CNTN4: variants seen among roughly 807,000 people sequenced by gnomAD.
CNTN4 encodes contactin-4.
Under a neutral mutation model 122.5 loss-of-function variants are expected in CNTN4, and 77 were observed. The observed-to-expected ratio is 0.63, with a 90% CI of 0.52 to 0.76. CNTN4 has a LOEUF of 0.76. CNTN4 is among the 30% of genes least tolerant of loss of function. The pLI is 0.00. For missense variants in CNTN4, 1,256 were observed against 1,259.1 expected, an observed-to-expected ratio of 1.00 and a Z score of 0.04; for synonymous variants, 512 against 447.0, an observed-to-expected ratio of 1.15 and a Z score of -1.83.
intron 3 of CNTN4, among the ~76,000 whole-genome samples, chr3:2,435,984 G>T (rs1037920791): frequency 6.6e-6 from 1 of 152,172 alleles, no homozygotes; most frequent in African/African-American, 2.4e-5. Context: ...TCAAAAAACT[G>T]TTTATATCTC....
chr3:2,668,578 C>G (rs1314961840), intron 4 of CNTN4, among the ~76,000 whole-genome samples: 1 of 152,120 alleles, frequency 6.6e-6, no homozygotes, highest in South Asian at 2.1e-4. Context: ...ATTGAATACC[C>G]TTTATTTCCT....
intron 10 of CNTN4, among the ~76,000 whole-genome samples, chr3:2,887,860 G>A (rs1407187965): frequency 1.3e-5 from 2 of 152,168 alleles, no homozygotes. Context: ...TGGAAACCCT[G>A]TTAGGATACT....
At chr3:2,644,644 GATT>G (rs1381002216) in intron 4 of CNTN4, among the ~76,000 whole-genome samples, 1 of 150,696 alleles carries the variant, frequency 6.6e-6, no homozygotes, top group African/African-American at 2.4e-5. Flanking sequence ...TGAGTCCATG[GATT>G]AGACTCACCA....
chr3:2,529,178 T>A (rs1020732692), intron 3 of CNTN4, among the ~76,000 whole-genome samples: 3 of 152,110 alleles, frequency 2.0e-5, no homozygotes, highest in Non-Finnish European at 4.4e-5. Context: ...TTTCTTAGCT[T>A]CTACACAGGA....
Position 2,522,146 on chromosome 3 carries a change from AGTTTGTGTGTGTGTGTGTGTGTGT to A in CNTN4, c.-88-49267_-88-49244del, listed in dbSNP as rs1192254694. 1.0e-4 allele frequency among the ~76,000 whole-genome samples: 14 copies of A among 134,554 alleles called. No homozygotes were observed. The South Asian group carries it at 3.0e-3, about 28-fold the overall frequency. 88.3% of individuals were successfully genotyped at this position (134,554 alleles called of 152,430 possible). The stretch of plus-strand genomic sequence containing the variant: ...TTTATGGCATGTGGCCTGCCTAAGC[AGTTTGTGTGTGTGTGTGTGTGTGT>A]GTGTGTGTGTGTGTGTGTGTGAATA... On this transcript the variant is annotated intron_variant, in intron 3 of 24. Transcript: ENST00000418658.
At chr3:2,926,479 A>T (rs2094474489) in intron 13 of CNTN4, among the ~76,000 whole-genome samples, 1 of 152,158 alleles carries the variant, frequency 6.6e-6, no homozygotes, top group Non-Finnish European at 1.5e-5. Context: ...CTTGGCTGTC[A>T]CCCCTGTAAA....
At chr3:2,969,933 GTACGTAGATATA>G (rs1692726899) in intron 13 of CNTN4, among the ~76,000 whole-genome samples, 1 of 152,120 alleles carries the variant, frequency 6.6e-6, no homozygotes, top group Non-Finnish European at 1.5e-5. Context: ...TAGGCATTGA[GTACGTAGATATA>G]TACACCCACA....
chr3:2,944,948 C>A (rs2094659203), intron 13 of CNTN4, among the ~76,000 whole-genome samples: 1 of 152,146 alleles, frequency 6.6e-6, no homozygotes, highest in African/African-American at 2.4e-5. Context: ...TCAGAATGGT[C>A]TTACCTTGAG....
At chr3:2,919,377 ACCAGATCGTTGCTTTTT>A (rs2094404653) in intron 12 of CNTN4, among the ~76,000 whole-genome samples, 1 of 145,692 alleles carries the variant, frequency 6.9e-6, no homozygotes. Context: ...AAAAAAAAAA[ACCAGATCGTTGCTTTTT>A]AAAAATTGAC....
intron 2 of CNTN4, among the ~76,000 whole-genome samples, chr3:2,287,626 GAGAAGGAGA>G (rs1161179601): frequency 0.02 from 959 of 47,956 alleles, 7 homozygotes; most frequent in Non-Finnish European, 0.035. Context: ...GAAGGAGAAG[GAGAAGGAGA>G]AGAAGAAGAA....
At chr3:2,860,374 C>T (rs1250901822) in intron 7 of CNTN4, among the ~76,000 whole-genome samples, 1 of 152,144 alleles carries the variant, frequency 6.6e-6, no homozygotes, top group Non-Finnish European at 1.5e-5. Context: ...AGATATCTGT[C>T]ATCCCTGCTC....
intron 4 of CNTN4, among the ~76,000 whole-genome samples, chr3:2,705,934 TATAA>T (rs920192375): frequency 6.3e-5 from 8 of 127,382 alleles, no homozygotes; most frequent in African/African-American, 8.9e-5. Flanking sequence ...ATATATAATT[TATAA>T]ATAAATATAT....
intron 14 of CNTN4, among the ~76,000 whole-genome samples, chr3:3,009,578 C>T (rs1331040749): frequency 3.0e-4 from 30 of 99,878 alleles, no homozygotes; most frequent in South Asian, 7.7e-4. Context: ...GGACTACAGG[C>T]GCCCGCCACC....
rs567483622 is a variant in CNTN4 at position 2,300,821 on chromosome 3, G to A, written c.-144-38357G>A. Among the ~76,000 whole-genome samples the A allele has an allele frequency of 9.6e-4, 145 of 151,756 alleles. 1 individual carries two copies. Among genetic ancestry groups the A allele is most frequent in the Non-Finnish European group, 1.8e-3 (123 of 67,906 alleles). ...ACAGACCTTGTGATCCACCCACCTCGGCCTCCCAAAGTGCTGGGATTACAG... is the reference window on the plus strand; with the variant it reads ...ACAGACCTTGTGATCCACCCACCTCAGCCTCCCAAAGTGCTGGGATTACAG... On this transcript the variant is annotated intron_variant, in intron 2 of 24. Coordinates refer to ENST00000418658, the MANE Select transcript of CNTN4 (RefSeq NM_175607.3).
chr3:2,967,762 T>A (rs1253719363), intron 13 of CNTN4, among the ~76,000 whole-genome samples: 1 of 152,140 alleles, frequency 6.6e-6, no homozygotes, highest in African/African-American at 2.4e-5. Flanking sequence ...TAGAAACTGG[T>A]GTGTATATGA....
At chr3:2,840,334 ATCTTT>A (rs1218256731) in intron 7 of CNTN4, among the ~76,000 whole-genome samples, 1 of 151,992 alleles carries the variant, frequency 6.6e-6, no homozygotes, top group African/African-American at 2.4e-5. Flanking sequence ...ATAAACTCAG[ATCTTT>A]TCTTTTCCTT....
intron 2 of CNTN4, among the ~76,000 whole-genome samples, chr3:2,173,221 A>G (rs571400812): frequency 2.0e-5 from 3 of 152,220 alleles, no homozygotes; most frequent in South Asian, 2.1e-4. Context: ...ACAGTGATCA[A>G]CTGAGCAAAC....
intron 4 of CNTN4, among the ~76,000 whole-genome samples, chr3:2,679,395 AAAG>A (rs1377291054): frequency 1.3e-5 from 2 of 152,282 alleles, no homozygotes; most frequent in East Asian, 3.9e-4. Context: ...TCAACCAGAC[AAAG>A]AAGTAGGAAG....
At chr3:2,587,187 C>T (rs1466035061) in intron 4 of CNTN4, among the ~76,000 whole-genome samples, 2 of 152,152 alleles carry the variant, frequency 1.3e-5, no homozygotes, top group Admixed American at 6.5e-5. Flanking sequence ...CTAACAAAGT[C>T]TTTCCTATAA....
Sources: allele counts gnomAD v4.1 joint callset (sites outside exome capture counted in the v4.1 genomes callset), GRCh38; gene constraint gnomAD v4.1.1; transcripts MANE v1.5; gene names NCBI Gene and HGNC (gene_info 2026-07-23, HGNC 2026-07-21).